CAST: variants seen among roughly 807,000 people sequenced by gnomAD.
CAST encodes MIR583 host.
In CAST, 76 loss-of-function variants were observed where a neutral mutation model predicts 119.6. The observed-to-expected ratio is 0.64, with a 90% CI of 0.53 to 0.77. The LOEUF is 0.77. Ranked by LOEUF, CAST falls within the 30% of genes least tolerant of loss-of-function variation. The pLI, the probability that CAST is intolerant of heterozygous loss-of-function variation, is 0.00. For synonymous variants in CAST, 319 were observed against 331.6 expected (o/e 0.96, Z 0.41); for missense variants, 953 against 946.5 (o/e 1.01, Z -0.09).
chr5:96,353,495 G>A, the CAST span, among the ~76,000 whole-genome samples: 1 of 152,184 alleles, frequency 6.6e-6, no homozygotes, highest in Non-Finnish European at 1.5e-5. Context: ...GTGCACATGA[G>A]GGTGTTTTCA....
the CAST span, among the ~76,000 whole-genome samples, chr5:96,137,573 A>G: frequency 6.6e-6 from 1 of 152,096 alleles, no homozygotes; most frequent in Non-Finnish European, 1.5e-5. Context: ...CCTTTGTAAA[A>G]AGCTGCCAAA....
the CAST span, among the ~76,000 whole-genome samples, chr5:96,035,659 G>C: frequency 6.6e-6 from 1 of 151,818 alleles, no homozygotes; most frequent in Admixed American, 6.6e-5. Flanking sequence ...GAGGAATTAG[G>C]TACCTAGAAA....
At chr5:96,691,606 G>A (rs1016200681) in intron 2 of CAST, among the ~76,000 whole-genome samples, 20 of 152,140 alleles carry the variant, frequency 1.3e-4, no homozygotes, top group Non-Finnish European at 2.4e-4. Flanking sequence ...TTAGAGCCAG[G>A]ATTTTCAACC....
intron 1 of CAST, among the ~76,000 whole-genome samples, chr5:96,567,375 C>A (rs189490593): frequency 2.6e-5 from 4 of 152,256 alleles, no homozygotes; most frequent in East Asian, 3.9e-4. Flanking sequence ...TCCTATGCCT[C>A]CCCAGTGGTA....
chr5:96,767,362 A>AATT (rs1325332672), intron 27 of CAST, 76 bp from the exon 28 acceptor site: 9 of 1,196,974 alleles, frequency 7.5e-6, no homozygotes, highest in Non-Finnish European at 1.1e-5. Flanking sequence ...ATGGGACAAT[A>AATT]GATTCTCTAC....
At chr5:96,668,327 A>T (rs1749609722) in intron 1 of CAST, among the ~76,000 whole-genome samples, 2 of 152,256 alleles carry the variant, frequency 1.3e-5, no homozygotes, top group Admixed American at 1.3e-4. Context: ...TATAATACAC[A>T]GTCATGAGAT....
chr5:96,511,360 T>C, the CAST span, among the ~76,000 whole-genome samples: 1 of 152,150 alleles, frequency 6.6e-6, no homozygotes, highest in African/African-American at 2.4e-5. Flanking sequence ...GCCAGGATGG[T>C]CTCGATCTCT....
the CAST span, among the ~76,000 whole-genome samples, chr5:96,103,658 C>T: frequency 6.6e-6 from 1 of 151,774 alleles, no homozygotes; most frequent in Non-Finnish European, 1.5e-5. Flanking sequence ...CCACAATAAA[C>T]ATACGTGTGC....
chr5:96,744,164 G>A (rs577800492), intron 16 of CAST, among the ~76,000 whole-genome samples: 17 of 152,282 alleles, frequency 1.1e-4, no homozygotes, highest in African/African-American at 3.1e-4. Flanking sequence ...CTTCAGAGTC[G>A]CAGCAAACTA....
chr5:96,662,525 G>A (rs1342694347), intron 1 of CAST, 28 bp downstream of exon 1: 7 of 1,351,798 alleles, frequency 5.2e-6, no homozygotes, highest in Non-Finnish European at 6.6e-6. Context: ...CGGCGTCGCG[G>A]GGCTGGGCGA....
the CAST span, among the ~76,000 whole-genome samples, chr5:96,517,329 T>G: frequency 6.6e-6 from 1 of 152,192 alleles, no homozygotes; most frequent in Non-Finnish European, 1.5e-5. Context: ...TCTTTCCTTT[T>G]TATGCTTGGA....
At chr5:96,561,793 T>TG (rs10700907) in intron 1 of CAST, among the ~76,000 whole-genome samples, 3,240 of 70,980 alleles carry the variant, frequency 0.046, 219 homozygotes, top group East Asian at 0.39. Context: ...TATGTTTTTT[T>TG]TTGTTTTTTT....
chr5:96,211,812 A>G, the CAST span, among the ~76,000 whole-genome samples: 3 of 152,022 alleles, frequency 2.0e-5, no homozygotes, highest in Non-Finnish European at 4.4e-5. Context: ...CAATTTTCTT[A>G]ATAGTTATTG....
rs757144996 is a variant in CAST at position 96,754,608 on chromosome 5, A to T, written c.1627-50A>T. On this transcript the variant is annotated intron_variant, in intron 21 of 31. Transcript: ENST00000675179. ...ATCTAGTCACTCAGGCATGAATTTT[A>T]TGGAGAGAAAAAAACATGCTAACAA... is the stretch of plus-strand genomic sequence containing the variant. 4 of 1,102,106 alleles carry T rather than the reference A, an allele frequency of 3.6e-6. No individual in the cohort carries two copies. In the South Asian group the frequency reaches 5.3e-5, roughly 14 times the overall value. 68.3% of individuals were successfully genotyped at this position (1,102,106 alleles called of 1,614,324 possible).
At chr5:96,630,538 G>A (rs935497423) in intron 1 of CAST, among the ~76,000 whole-genome samples, 2 of 152,180 alleles carry the variant, frequency 1.3e-5, no homozygotes, top group African/African-American at 4.8e-5. Context: ...TGTAATCCCA[G>A]CACTTTGGGA....
chr5:96,677,492 G>A (rs1485308014), intron 2 of CAST, among the ~76,000 whole-genome samples: 1 of 152,206 alleles, frequency 6.6e-6, no homozygotes, highest in East Asian at 1.9e-4. Context: ...GGAAAACACT[G>A]TTAAGAAGCC....
At chr5:96,127,130 A>C in the CAST span, among the ~76,000 whole-genome samples, 1 of 152,130 alleles carries the variant, frequency 6.6e-6, no homozygotes, top group Non-Finnish European at 1.5e-5. Context: ...GTTACAGATC[A>C]AGGTGAGCGT....
At chr5:96,361,320 C>T in the CAST span, among the ~76,000 whole-genome samples, 1 of 152,132 alleles carries the variant, frequency 6.6e-6, no homozygotes, top group African/African-American at 2.4e-5. Context: ...GGTTTCGGCC[C>T]CCTTTCCAGG....
intron 1 of CAST, among the ~76,000 whole-genome samples, chr5:96,619,040 C>T (rs1315807557): frequency 6.6e-6 from 1 of 152,238 alleles, no homozygotes; most frequent in East Asian, 1.9e-4. Flanking sequence ...CACTCTGTGT[C>T]TAGCTAAAGG....
Sources: allele counts gnomAD v4.1 joint callset (sites outside exome capture counted in the v4.1 genomes callset), GRCh38; gene constraint gnomAD v4.1.1; transcripts MANE v1.5; gene names NCBI Gene and HGNC (gene_info 2026-07-23, HGNC 2026-07-21).